The following MAMLD1 variants were observed in gnomAD, a reference collection of about 807,000 sequenced individuals.
MAMLD1 encodes the protein mastermind like domain containing 1, also known as mastermind-like domain-containing protein 1.
In MAMLD1, 14 loss-of-function variants were observed where a neutral mutation model predicts 45.0. That is an observed-to-expected ratio of 0.31 (90% CI 0.21 to 0.49). MAMLD1 has a LOEUF of 0.49. Ranked by LOEUF, MAMLD1 falls within the 20% of genes least tolerant of loss-of-function variation. MAMLD1 has a pLI of 0.99. For synonymous variants in MAMLD1, 254 were observed against 247.8 expected, an observed-to-expected ratio of 1.02 and a Z score of -0.24; for missense variants, 543 against 603.6, an observed-to-expected ratio of 0.90 and a Z score of 1.05.
chrX:150,393,548 G>A (rs1278678032), intron 1 of MAMLD1, among the ~76,000 whole-genome samples: 3 of 112,091 alleles, frequency 2.7e-5, no homozygotes, highest in Non-Finnish European at 5.6e-5. Context: ...GTACCACTTC[G>A]CATTCCCACC....
intron 1 of MAMLD1, among the ~76,000 whole-genome samples, chrX:150,422,415 T>G (rs1557403597): frequency 9.0e-6 from 1 of 111,643 alleles, no homozygotes; most frequent in African/African-American, 3.3e-5. Flanking sequence ...GGATTGGACC[T>G]TTTTGGTGTG....
chrX:150,413,041 GT>G (rs1424415477), intron 1 of MAMLD1, among the ~76,000 whole-genome samples: 2 of 111,082 alleles, frequency 1.8e-5, no homozygotes, highest in Non-Finnish European at 3.8e-5. Flanking sequence ...TTAAGTTAAG[GT>G]AAGTACTATT....
intron 5 of MAMLD1, among the ~76,000 whole-genome samples, chrX:150,481,694 G>A (rs2036762862): frequency 2.8e-5 from 3 of 108,636 alleles, no homozygotes; most frequent in Admixed American, 2.0e-4. Flanking sequence ...AACCAGGCAT[G>A]GTGGCGTTGC....
chrX:150,493,573 C>T (rs1160076742), intron 5 of MAMLD1, among the ~76,000 whole-genome samples: 1 of 111,148 alleles, frequency 9.0e-6, no homozygotes, highest in African/African-American at 3.3e-5. Flanking sequence ...TTTTAGAAGC[C>T]CCTTGTGTGC....
intron 5 of MAMLD1, among the ~76,000 whole-genome samples, chrX:150,475,284 G>A (rs1659697602): frequency 9.0e-6 from 1 of 111,337 alleles, no homozygotes; most frequent in Non-Finnish European, 1.9e-5. Flanking sequence ...GCCCAGTCTG[G>A]TCTCAAACTC....
chrX:150,371,322 A>G (rs908338567), intron 1 of MAMLD1, among the ~76,000 whole-genome samples: 7 of 111,346 alleles, frequency 6.3e-5, no homozygotes, highest in Non-Finnish European at 1.1e-4. Context: ...AGGTTCAGAG[A>G]AGGATGGAGT....
chrX:150,449,558 T>C (rs890312473), intron 2 of MAMLD1, among the ~76,000 whole-genome samples: 1 of 111,805 alleles, frequency 8.9e-6, no homozygotes, highest in African/African-American at 3.3e-5. Context: ...CATATACTTC[T>C]TGCAGAAAAA....
At chrX:150,377,487 C>T (rs868926373) in intron 1 of MAMLD1, among the ~76,000 whole-genome samples, 1 of 111,827 alleles carries the variant, frequency 8.9e-6, no homozygotes, top group Non-Finnish European at 1.9e-5. Context: ...TGAACTAGTA[C>T]TTTCTGAAAT....
chrX:150,362,908 C>T (rs1390261915), upstream of MAMLD1: 3 of 113,189 alleles, frequency 2.7e-5, no homozygotes, highest in Non-Finnish European at 5.6e-5. Flanking sequence ...GATGCCCCTT[C>T]CGCCCCTCCG....
chrX:150,464,082 AC>A (rs1453641013), intron 3 of MAMLD1, among the ~76,000 whole-genome samples: 21 of 111,963 alleles, frequency 1.9e-4, no homozygotes, highest in African/African-American at 6.2e-4. Context: ...TGGGCCAAGT[AC>A]CCATTTTACA....
chrX:150,490,273 T>C (rs1436638619), intron 5 of MAMLD1, among the ~76,000 whole-genome samples: 3 of 112,215 alleles, frequency 2.7e-5, no homozygotes, highest in African/African-American at 9.7e-5. Context: ...TTAGACTGAC[T>C]ACTTTGGATA....
chrX:150,471,322 A>G lies in MAMLD1; in HGVS notation c.1749A>G (p.Ser583=), dbSNP rs782791568. ...LQQPTPTQAS[S]ATASSTATAT... ...AGCCGACACCAACGCAGGCCTCCTC[A>G]GCCACTGCCTCCTCCACGGCCACTG... Residue 583 remains serine (S), a synonymous_variant, in exon 4 of 8, where the codon TCA becomes TCG. Transcript: ENST00000370401. 1.7e-6 allele frequency: 2 copies of G among 1,210,495 alleles called. No individual in the cohort carries two copies. The highest frequency in any genetic ancestry group is 3.0e-5 in the East Asian group (1 of 33,748).
chrX:150,431,946 T>C (rs1474381971), intron 1 of MAMLD1, among the ~76,000 whole-genome samples: 1 of 111,877 alleles, frequency 8.9e-6, no homozygotes, highest in Non-Finnish European at 1.9e-5. Context: ...GATAATGGGA[T>C]GGCTGGGTCA....
At chrX:150,402,802 C>A (rs1482155092) in intron 1 of MAMLD1, among the ~76,000 whole-genome samples, 11 of 110,947 alleles carry the variant, frequency 9.9e-5, no homozygotes, top group African/African-American at 3.6e-4. Context: ...AATCATCATT[C>A]TCAGTAAACT....
chrX:150,449,608 G>A lies in MAMLD1; in HGVS notation c.96+3996G>A, dbSNP rs5970171. ...AAGGAGTCCTCAGACTCGATTCAGG[G>A]TTGGAACAAGCTCTTTGTGAGATTT... On this transcript the variant is annotated intron_variant, in intron 2 of 7. Transcript: ENST00000370401. Among the ~76,000 whole-genome samples, 1,043 of 111,579 alleles carry A rather than the reference G, an allele frequency of 9.3e-3. 11 individuals carry two copies. Among genetic ancestry groups the A allele is most frequent in the African/African-American group, 0.032 (993 of 30,712 alleles).
intron 1 of MAMLD1, among the ~76,000 whole-genome samples, chrX:150,365,007 G>A (rs1478450256): frequency 1.8e-5 from 2 of 112,275 alleles, no homozygotes; most frequent in African/African-American, 3.2e-5. Flanking sequence ...ACCCGCCGGG[G>A]CTTCCCGGCC....
intron 1 of MAMLD1, among the ~76,000 whole-genome samples, chrX:150,365,506 C>T (rs1171021451): frequency 8.8e-6 from 1 of 113,257 alleles, no homozygotes; most frequent in Non-Finnish European, 1.9e-5. Context: ...GCTCGCCGGG[C>T]TCGGGCATAG....
At chrX:150,468,022 A>G (rs1188112760) in intron 3 of MAMLD1, among the ~76,000 whole-genome samples, 1 of 112,423 alleles carries the variant, frequency 8.9e-6, no homozygotes, top group African/African-American at 3.2e-5. Flanking sequence ...GTTCAGTGGC[A>G]AGGCCAAGGT....
chrX:150,458,470 C>G (rs951459813), intron 2 of MAMLD1, among the ~76,000 whole-genome samples: 1 of 111,534 alleles, frequency 9.0e-6, no homozygotes, highest in Non-Finnish European at 1.9e-5. Context: ...ATCCCTCAAG[C>G]CTTCTAAGAC....
Sources: gnomAD v4.1 joint callset for allele counts (sites outside exome capture counted in the v4.1 genomes callset) on GRCh38, gnomAD v4.1.1 for gene constraint, MANE v1.5 for transcripts, NCBI Gene and HGNC (gene_info 2026-07-23, HGNC 2026-07-21) for gene names.